Variants in ROBO4 observed in about 807,000 individuals in gnomAD.
The protein encoded by ROBO4 is roundabout guidance receptor 4.
In ROBO4, 80 loss-of-function variants were observed where a neutral mutation model predicts 103.3. The ratio of observed to expected loss-of-function variants is 0.77; its 90% CI spans 0.65 to 0.93. ROBO4 has a LOEUF of 0.93. Ranked by LOEUF, ROBO4 falls within the 40% of genes least tolerant of loss-of-function variation. The pLI, the probability that ROBO4 is intolerant of heterozygous loss-of-function variation, is 0.00. For synonymous variants in ROBO4, 504 were observed against 529.7 expected, an observed-to-expected ratio of 0.95 and a Z score of 0.67; for missense variants, 1,333 against 1,305.3, an observed-to-expected ratio of 1.02 and a Z score of -0.33.
At chr11:124,893,459 G>A (rs1946829870) in intron 10 of ROBO4, among the ~76,000 whole-genome samples, 1 of 152,202 alleles carries the variant, frequency 6.6e-6, no homozygotes, top group African/African-American at 2.4e-5. Context: ...AAGAGTCCTG[G>A]ATTGGGGGTT....
chr11:124,893,701 T>A lies in ROBO4; in HGVS notation c.1534A>T (p.Ile512Phe). 1 of 1,614,068 alleles carries A rather than the reference T, an allele frequency of 6.2e-7. No homozygotes were observed. The highest frequency in any genetic ancestry group is 8.5e-7 in the Non-Finnish European group (1 of 1,179,976). Residue 512 changes from isoleucine (I) to phenylalanine (F), a missense_variant, in exon 10 of 18, where the codon ATC becomes TTC. Ile to Phe is a conservative substitution (Grantham distance 21). Transcript: ENST00000306534. ...GLYRYTSEDAILKHRMDHSDS... is the reference protein window; with the variant it reads ...GLYRYTSEDAFLKHRMDHSDS... ...TTCACCTCTCACCTGTGTTTTAGGA[T>A]GGCATCCTCACTGGTATATCTGTAC... is the stretch of plus-strand genomic sequence containing the variant.
In ROBO4 at chr11:124,891,187, G is replaced by A. The variant is rs913504474; in HGVS notation, c.1948+112C>T. On this transcript the variant is annotated intron_variant, in intron 12 of 17. Coordinates refer to ENST00000306534, the MANE Select transcript of ROBO4 (RefSeq NM_019055.6). ...CCACCTGGAGAGGAGAATGGAAGGA[G>A]GGTGTGGAGGTTGCACGCCCCTCCA... is the stretch of plus-strand genomic sequence containing the variant. The A allele has an allele frequency of 4.7e-6, 6 of 1,275,526 alleles. No individual in the cohort carries two copies. In the Admixed American group the frequency reaches 7.8e-5, roughly 17 times the overall value. 79.0% of individuals were successfully genotyped at this position (1,275,526 alleles called of 1,614,324 possible).
chr11:124,885,341 T>A, intron 16 of ROBO4, 94 bp from the exon 17 acceptor site: 1 of 1,012,696 alleles, frequency 9.9e-7, no homozygotes, highest in Non-Finnish European at 1.5e-6. Context: ...TCAGGGCATG[T>A]ACCCAGCCCT....
In ROBO4 at chr11:124,885,151, A is replaced by G. The variant is rs1409901654; in HGVS notation, c.2891T>C (p.Met964Thr). 11 of 1,613,894 alleles carry G rather than the reference A, an allele frequency of 6.8e-6. No homozygotes were observed. The highest frequency in any genetic ancestry group is 8.5e-6 in the Non-Finnish European group (10 of 1,180,010). The change falls in exon 17 of 18, where the codon ATG becomes ACG. Residue 964 changes from methionine to threonine, a missense_variant. Transcript: ENST00000306534. ...CAGCCGCTGGGTGTGGCTGACCTCC[A>G]TGTCTTCCAACCAGTCTGGCCTCCA... is the stretch of plus-strand genomic sequence containing the variant. ...WEWRPDWLED[M>T]EVSHTQRLGR... is the part of the protein sequence containing the mutation.
intron 12 of ROBO4, among the ~76,000 whole-genome samples, chr11:124,888,071 T>C (rs562856470): frequency 4.6e-5 from 7 of 152,386 alleles, no homozygotes; most frequent in East Asian, 3.9e-4. Flanking sequence ...GCTGTGTGAC[T>C]TCAGGGCAGT....
chr11:124,891,269 T>C (rs766641035), intron 12 of ROBO4, 30 bp downstream of exon 12: 6 of 1,499,616 alleles, frequency 4.0e-6, no homozygotes, highest in Non-Finnish European at 5.3e-6. Flanking sequence ...TACCACCAGC[T>C]CAGTCTATGT....
At position 124,894,048 on chromosome 11, in the gene ROBO4, G is replaced by A. The variant is rs760047858; in HGVS notation, c.1319-3C>T. 1 of 1,545,162 alleles carries A rather than the reference G, an allele frequency of 6.5e-7. No individual in the cohort carries two copies. Among genetic ancestry groups the A allele is most frequent in the South Asian group, 1.3e-5 (1 of 79,372 alleles). ...GGTGGCTCGCTCCATGGCCTGCTCT[G>A]TATGGGATGCAGAGCTCAGAGGGAG... On this transcript the variant is annotated splice_polypyrimidine_tract_variant and splice_region_variant and intron_variant, in intron 8 of 17. Transcript: ENST00000306534.
intron 16 of ROBO4, among the ~76,000 whole-genome samples, chr11:124,885,606 G>T (rs1322775585): frequency 6.7e-6 from 1 of 149,804 alleles, no homozygotes; most frequent in Non-Finnish European, 1.5e-5. Context: ...TCGGGGCAAA[G>T]GATAGAGTTA....
chr11:124,887,386 T>C lies in ROBO4; in HGVS notation c.2170A>G (p.Thr724Ala), dbSNP rs1478194645. Residue 724 changes from threonine to alanine, a missense_variant, in exon 14 of 18, where the codon ACT (threonine) becomes GCT (alanine). Coordinates refer to ENST00000306534, the MANE Select transcript of ROBO4 (RefSeq NM_019055.6). ...GTCTGTTGACTCTGAGTTGGGGGAG[T>C]TTCATGAGGAAAGAGGGGTGCTGGA... ...LPPAPLFPHE[T>A]PPTQSQQTQP... The C allele has an allele frequency of 1.2e-6, 2 of 1,612,496 alleles. No homozygotes were observed. Among genetic ancestry groups the C allele is most frequent in the Admixed American group, 1.7e-5 (1 of 59,844 alleles).
In ROBO4 at chr11:124,896,519, C is replaced by G; in HGVS notation, c.552G>C (p.Arg184Ser). 1 of 1,613,790 alleles carries G rather than the reference C, an allele frequency of 6.2e-7. No homozygotes were observed. The highest frequency in any genetic ancestry group is 8.5e-7 in the Non-Finnish European group (1 of 1,179,866). The stretch of plus-strand genomic sequence containing the variant: ...GGGAGGGGGCCACACTTACTGTGTG[C>G]CTTCCGGGCTGGAGGGCCAGGGGTT... The part of the protein sequence containing the change: ...DGKPLALQPG[R>S]HTVSGGSLLM... Residue 184 changes from arginine (R) to serine (S), a missense_variant, in exon 3 of 18, where the codon AGG becomes AGC. By Grantham distance (110) the Arg-to-Ser change is moderately radical. Transcript: ENST00000306534.
Position 124,896,237 on chromosome 11 carries a change from C to T in ROBO4, c.640G>A (p.Gly214Arg). The T allele has an allele frequency of 6.2e-7, 1 of 1,614,156 alleles. No individual in the cohort carries two copies. The highest frequency in any genetic ancestry group is 8.5e-7 in the Non-Finnish European group (1 of 1,180,026). Residue 214 changes from glycine (G) to arginine (R), a missense_variant, in exon 4 of 18, where the codon GGA becomes AGA. Gly to Arg is a moderately radical substitution (Grantham distance 125). Coordinates refer to ENST00000306534, the MANE Select transcript of ROBO4 (RefSeq NM_019055.6). The stretch of plus-strand genomic sequence containing the variant: ...CGGGCTGCGCGGCTCTCCCTATGTC[C>T]TGCGCTGTTGGTGGCCACACACATG... ...TYMCVATNSA[G>R]HRESRAARVS...
rs766605330 is a variant in ROBO4 at position 124,886,697 on chromosome 11, C to T, written c.2561G>A (p.Gly854Glu). 2 of 1,609,796 alleles carry T rather than the reference C, an allele frequency of 1.2e-6. No homozygotes were observed. Among genetic ancestry groups the T allele is most frequent in the East Asian group, 4.5e-5 (2 of 44,790 alleles). Residue 854 changes from glycine (G) to glutamate (E), a missense_variant, in exon 16 of 18, where the codon GGA becomes GAA. Physicochemically the swap from Gly to Glu is moderately conservative, Grantham distance 98 (BLOSUM62 -2). Coordinates refer to ENST00000306534, the MANE Select transcript of ROBO4 (RefSeq NM_019055.6). ...RTGGGVGPKG[G>E]VLLCPPRPCL... ...GGGCCGAGGTGGGCACAGCAAGACT[C>T]CCCCCTTGGGCCCCACCCCTCCTCC...
At chr11:124,888,472 G>A (rs904517110) in intron 12 of ROBO4, among the ~76,000 whole-genome samples, 2 of 152,222 alleles carry the variant, frequency 1.3e-5, no homozygotes, top group African/African-American at 2.4e-5. Context: ...CACAATGTTG[G>A]CTGTGACAGG....
chr11:124,889,058 AGGCTTT>A (rs1475315199), intron 12 of ROBO4, among the ~76,000 whole-genome samples: 1 of 152,220 alleles, frequency 6.6e-6, no homozygotes, highest in African/African-American at 2.4e-5. Context: ...GAAGTGAGCC[AGGCTTT>A]GGCATTGACC....
intron 10 of ROBO4, 117 bp from the exon 11 acceptor site, chr11:124,891,919 C>A: frequency 8.5e-7 from 1 of 1,174,060 alleles, no homozygotes; most frequent in Non-Finnish European, 1.2e-6. Context: ...GTGGCTTTAT[C>A]CTTACTACTG....
intron 3 of ROBO4, 21 bp downstream of exon 3, chr11:124,896,492 G>T (rs756580878): frequency 1.4e-5 from 22 of 1,611,444 alleles, no homozygotes; most frequent in Admixed American, 1.0e-4. Context: ...GATGAAGTGT[G>T]GGGGAGGGGG....
chr11:124,886,931 C>T lies in ROBO4; in HGVS notation c.2435+46G>A, dbSNP rs1488044179. ...CGGAATGGGTGGAGAGGCGCTTGCC[C>T]CCACAGCTTTTCTGTAGTTCTTTGG... is the stretch of plus-strand genomic sequence containing the variant. On this transcript the variant is annotated intron_variant, in intron 15 of 17. Coordinates refer to ENST00000306534, the MANE Select transcript of ROBO4 (RefSeq NM_019055.6). 1.3e-6 allele frequency: 2 copies of T among 1,568,252 alleles called. No homozygotes were observed.
At chr11:124,891,855 AC>A (rs1366535387) in intron 10 of ROBO4, 53 bp from the exon 11 acceptor site, 11 of 1,602,536 alleles carry the variant, frequency 6.9e-6, no homozygotes, top group Admixed American at 5.1e-5. Flanking sequence ...AGAAGTGAGA[AC>A]CTTTTTGGCC....
rs758299532 is a variant in ROBO4 at position 124,895,822 on chromosome 11, C to A, written c.770G>T (p.Gly257Val). Residue 257 changes from glycine to valine, a missense_variant, in exon 5 of 18, where the codon GGC becomes GTC. Gly to Val is a moderately radical substitution (Grantham distance 109). Coordinates refer to ENST00000306534, the MANE Select transcript of ROBO4 (RefSeq NM_019055.6). ...CCACACCGCCGGTCTAGGCTTGGGG[C>A]CCTCTGCAGGATCCGGGTTCAGCAG... is the stretch of plus-strand genomic sequence containing the variant. ...VTLLNPDPAE[G>V]PKPRPAVWLS... 1.2e-6 allele frequency: 2 copies of A among 1,614,136 alleles called. No individual in the cohort carries two copies. Among genetic ancestry groups the A allele is most frequent in the Admixed American group, 1.7e-5 (1 of 60,022 alleles).
Sources: gnomAD v4.1 joint callset for allele counts (sites outside exome capture counted in the v4.1 genomes callset) on GRCh38, gnomAD v4.1.1 for gene constraint, MANE v1.5 for transcripts, NCBI Gene and HGNC (gene_info 2026-07-23, HGNC 2026-07-21) for gene names.